NEBL: variants seen among roughly 807,000 people sequenced by gnomAD.
The protein encoded by NEBL is LIM and SH3 protein 2.
In NEBL, 122 loss-of-function variants were observed where a neutral mutation model predicts 140.2. The observed-to-expected ratio is 0.87, with a 90% CI of 0.75 to 1.01. The LOEUF (loss-of-function observed/expected upper bound fraction) is 1.01. Ranked by LOEUF, NEBL falls within the 50% of genes least tolerant of loss-of-function variation. NEBL has a pLI of 0.00. For missense variants in NEBL, 1,365 were observed against 1,231.3 expected (o/e 1.11, Z -1.62); for synonymous variants, 436 against 398.9 (o/e 1.09, Z -1.11).
intron 4 of NEBL, among the ~76,000 whole-genome samples, chr10:20,941,001 A>C (rs1410852924): frequency 2.0e-5 from 3 of 152,236 alleles, no homozygotes; most frequent in Admixed American, 6.5e-5. Flanking sequence ...GAATTCTACC[A>C]GAGGTACAAG....
intron 4 of NEBL, 72 bp from the exon 5 acceptor site, chr10:20,880,976 G>T: frequency 8.2e-7 from 1 of 1,225,610 alleles, no homozygotes; most frequent in Non-Finnish European, 1.2e-6. Context: ...TCAGTGTTTT[G>T]CCAGGACTTT....
intron 3 of NEBL, among the ~76,000 whole-genome samples, chr10:20,889,588 G>A (rs1468469830): frequency 6.6e-6 from 1 of 151,830 alleles, no homozygotes; most frequent in Non-Finnish European, 1.5e-5. Context: ...TTTTCAAGAG[G>A]AATCGTATAT....
At chr10:20,902,697 C>T (rs1847923299) in intron 4 of NEBL, among the ~76,000 whole-genome samples, 1 of 152,124 alleles carries the variant, frequency 6.6e-6, no homozygotes, top group African/African-American at 2.4e-5. Context: ...CAGCTTGAGA[C>T]ATTAGTTCAG....
At chr10:21,025,082 C>T (rs1371302449) in intron 2 of NEBL, among the ~76,000 whole-genome samples, 1 of 151,650 alleles carries the variant, frequency 6.6e-6, no homozygotes, top group East Asian at 1.9e-4. Flanking sequence ...TTTTCCTCCT[C>T]CATATTGGAG....
intron 1 of NEBL, among the ~76,000 whole-genome samples, chr10:21,280,739 C>T (rs993247865): frequency 4.0e-5 from 6 of 151,386 alleles, no homozygotes; most frequent in African/African-American, 1.5e-4. Flanking sequence ...CTCAGCCTCC[C>T]GAGTAGGTGG....
At chr10:21,213,437 C>A (rs1378901798) in intron 3 of NEBL, among the ~76,000 whole-genome samples, 1 of 152,198 alleles carries the variant, frequency 6.6e-6, no homozygotes, top group African/African-American at 2.4e-5. Context: ...AAGCTTCAGT[C>A]TAAAGAACAG....
chr10:20,812,821 T>C lies in NEBL; in HGVS notation c.2466A>G (p.Lys822=). ...NTQVVSDAAY[K]GVHPHIVEMD... Reference sequence around the variant, plus strand: ...TCTCCACGATGTGAGGGTGGACCCCTTTATAGGCAGCATCGCTGACCACCT... The same window carrying C: ...TCTCCACGATGTGAGGGTGGACCCCCTTATAGGCAGCATCGCTGACCACCT... Residue 822 remains lysine, a synonymous_variant, in exon 24 of 28, where the codon AAA becomes AAG. Coordinates refer to ENST00000377122, the MANE Select transcript of NEBL (RefSeq NM_006393.3). 6.2e-7 allele frequency: 1 copy of C among 1,614,008 alleles called. No individual in the cohort carries two copies. Among genetic ancestry groups the C allele is most frequent in the Non-Finnish European group, 8.5e-7 (1 of 1,179,930 alleles).
chr10:20,970,709 T>G (rs1312754940), intron 3 of NEBL, among the ~76,000 whole-genome samples: 1 of 152,100 alleles, frequency 6.6e-6, no homozygotes, highest in African/African-American at 2.4e-5. Context: ...AAGGTACATA[T>G]ATCATCTTCA....
In NEBL at chr10:20,869,805, A is replaced by G. The variant is rs1844731139; in HGVS notation, c.517T>C (p.Tyr173His). Residue 173 changes from tyrosine (Y) to histidine (H), a missense_variant, in exon 6 of 28, where the codon TAC becomes CAC. Transcript: ENST00000377122. Reference protein sequence around the residue: ...YRKDVQDTHTYSAELDRPDIK... With the variant: ...YRKDVQDTHTHSAELDRPDIK... ...TCTGGTCGGTCAAGTTCTGCACTGT[A>G]CGTGTGGGTGTCCTGCACGTCTTTC... The G allele has an allele frequency of 6.2e-7, 1 of 1,613,512 alleles. No individual in the cohort carries two copies. The highest frequency in any genetic ancestry group is 1.1e-5 in the South Asian group (1 of 91,080).
At chr10:21,174,165 C>T (rs1841222680) in exon 1 of NEBL, 2 of 471,088 alleles carry the variant, frequency 4.2e-6, no homozygotes, top group Non-Finnish European at 5.7e-6. Flanking sequence ...CGCTCCCCCG[C>T]CTCGCCGCCG....
At chr10:21,188,608 T>G (rs1841517854) in intron 3 of NEBL, among the ~76,000 whole-genome samples, 1 of 151,348 alleles carries the variant, frequency 6.6e-6, no homozygotes, top group Non-Finnish European at 1.5e-5. Context: ...CTTTTTTTTT[T>G]TTTTTTTTTG....
At chr10:20,864,057 C>T (rs1844014474) in intron 7 of NEBL, among the ~76,000 whole-genome samples, 1 of 152,074 alleles carries the variant, frequency 6.6e-6, no homozygotes, top group Non-Finnish European at 1.5e-5. Flanking sequence ...GGTTTAAAAC[C>T]CATTCTTATC....
intron 2 of NEBL, among the ~76,000 whole-genome samples, chr10:21,143,442 T>C (rs813121): frequency 0.52 from 65,444 of 126,460 alleles, 19,313 homozygotes; most frequent in African/African-American, 0.83. Flanking sequence ...GAGTGAAACT[T>C]CATCTCAAAA....
intron 2 of NEBL, among the ~76,000 whole-genome samples, chr10:21,143,601 T>A (rs1839751602): frequency 6.6e-6 from 1 of 151,772 alleles, no homozygotes; most frequent in African/African-American, 2.4e-5. Context: ...ATCAGAAAGA[T>A]ATAAAATGGC....
intron 26 of NEBL, among the ~76,000 whole-genome samples, chr10:20,799,070 A>T (rs901179539): frequency 2.0e-5 from 3 of 152,216 alleles, no homozygotes; most frequent in African/African-American, 7.2e-5. Context: ...TAGATGGTAA[A>T]ATATAATCAT....
chr10:20,801,965 C>T (rs777608914), intron 26 of NEBL, among the ~76,000 whole-genome samples: 5 of 152,108 alleles, frequency 3.3e-5, no homozygotes, highest in Admixed American at 6.6e-5. Context: ...GGAAAGGCCA[C>T]GAGGTTGGAA....
chr10:21,158,556 G>A (rs1311431705), intron 2 of NEBL, among the ~76,000 whole-genome samples: 4 of 152,150 alleles, frequency 2.6e-5, no homozygotes, highest in African/African-American at 9.7e-5. Context: ...GTCAGCCCCA[G>A]AAGGGAATGG....
At chr10:20,832,745 T>C (rs1840534433) in intron 14 of NEBL, among the ~76,000 whole-genome samples, 1 of 152,212 alleles carries the variant, frequency 6.6e-6, no homozygotes, top group Admixed American at 6.5e-5. Flanking sequence ...ATCCTCAAAT[T>C]TAGGTAAGTG....
At chr10:21,015,236 C>T (rs1001007297) in intron 3 of NEBL, among the ~76,000 whole-genome samples, 2 of 151,714 alleles carry the variant, frequency 1.3e-5, no homozygotes, top group African/African-American at 2.4e-5. Context: ...TGAGGAGAGT[C>T]GGGGGGGTTT....
Sources: gnomAD v4.1 joint callset for allele counts (sites outside exome capture counted in the v4.1 genomes callset) on GRCh38, gnomAD v4.1.1 for gene constraint, MANE v1.5 for transcripts, NCBI Gene and HGNC (gene_info 2026-07-23, HGNC 2026-07-21) for gene names.